The following PACRG variants were observed in gnomAD, a reference collection of about 807,000 sequenced individuals.
PACRG encodes parkin coregulated, also known as parkin coregulated gene protein.
In PACRG, 29 loss-of-function variants were observed where a neutral mutation model predicts 29.7. The observed-to-expected ratio is 0.98, with a 90% CI of 0.73 to 1.33. The LOEUF is 1.33. Among genes scored for constraint, PACRG ranks in the 40% most tolerant of loss-of-function variants. The pLI is 0.00. For synonymous variants in PACRG, 116 were observed against 118.7 expected (o/e 0.98, Z 0.15); for missense variants, 279 against 316.2 (o/e 0.88, Z 0.89).
chr6:162,950,235 C>T (rs9456822), intron 2 of PACRG, among the ~76,000 whole-genome samples: 2,110 of 152,198 alleles, frequency 0.014, 53 homozygotes, highest in African/African-American at 0.049. Flanking sequence ...CGGTGGCTCA[C>T]GCCTATAATC....
intron 4 of PACRG, among the ~76,000 whole-genome samples, chr6:163,261,826 G>A (rs1336721028): frequency 6.6e-6 from 1 of 152,132 alleles, no homozygotes; most frequent in Non-Finnish European, 1.5e-5. Context: ...ATGATTTAAA[G>A]GATACCAAAG....
intron 2 of PACRG, among the ~76,000 whole-genome samples, chr6:162,833,963 G>A (rs1050061083): frequency 6.6e-6 from 1 of 152,024 alleles, no homozygotes; most frequent in Non-Finnish European, 1.5e-5. Context: ...TTTTCCAAAC[G>A]TTTTTTCATC....
At chr6:162,980,881 ATTAC>A (rs1287001512) in intron 2 of PACRG, among the ~76,000 whole-genome samples, 3 of 152,062 alleles carry the variant, frequency 2.0e-5, no homozygotes, top group African/African-American at 7.2e-5. Context: ...AATGGGAGCC[ATTAC>A]TTTCTTTTTT....
At chr6:163,175,056 T>G (rs1336492165) in intron 4 of PACRG, among the ~76,000 whole-genome samples, 1 of 152,202 alleles carries the variant, frequency 6.6e-6, no homozygotes, top group Non-Finnish European at 1.5e-5. Flanking sequence ...GATTACAAAC[T>G]TTCTTAATCT....
At chr6:162,820,140 T>G (rs1300897156) in intron 2 of PACRG, among the ~76,000 whole-genome samples, 1 of 152,220 alleles carries the variant, frequency 6.6e-6, no homozygotes, top group Non-Finnish European at 1.5e-5. Flanking sequence ...TGAAAATATA[T>G]GTTGCACTTG....
chr6:162,787,863 G>A (rs1410104278), intron 1 of PACRG, among the ~76,000 whole-genome samples: 1 of 151,118 alleles, frequency 6.6e-6, no homozygotes, highest in Non-Finnish European at 1.5e-5. Flanking sequence ...TCCAATGCCA[G>A]TGTTGGACTA....
At chr6:162,744,250 T>C (rs1469266339) in intron 1 of PACRG, among the ~76,000 whole-genome samples, 1 of 152,208 alleles carries the variant, frequency 6.6e-6, no homozygotes, top group East Asian at 1.9e-4. Flanking sequence ...TTCTGGATCA[T>C]TAAATGCAGA....
At chr6:162,789,829 A>G (rs1047787644) in intron 1 of PACRG, among the ~76,000 whole-genome samples, 1 of 152,242 alleles carries the variant, frequency 6.6e-6, no homozygotes, top group Non-Finnish European at 1.5e-5. Flanking sequence ...TGGAGAGAGT[A>G]TAAGTTCATT....
chr6:162,986,921 T>A (rs879282030), intron 2 of PACRG, among the ~76,000 whole-genome samples: 7 of 151,006 alleles, frequency 4.6e-5, no homozygotes, highest in Non-Finnish European at 8.8e-5. Flanking sequence ...TTCATTCTTA[T>A]CCTGTATTTT....
chr6:162,958,269 GA>G (rs1312631068), intron 2 of PACRG, among the ~76,000 whole-genome samples: 2 of 151,880 alleles, frequency 1.3e-5, no homozygotes, highest in African/African-American at 4.8e-5. Flanking sequence ...GAAAAATAAT[GA>G]ATTTCAAATA....
At chr6:163,102,540 C>A (rs1815154812) in intron 4 of PACRG, among the ~76,000 whole-genome samples, 1 of 152,210 alleles carries the variant, frequency 6.6e-6, no homozygotes, top group Admixed American at 6.5e-5. Context: ...TCCATCAGGT[C>A]TCTCCTGAAA....
intron 2 of PACRG, among the ~76,000 whole-genome samples, chr6:163,008,134 A>G (rs1805289428): frequency 6.6e-6 from 1 of 152,112 alleles, no homozygotes; most frequent in South Asian, 2.1e-4. Context: ...ATGTTATTTT[A>G]TCCTTTTAGA....
chr6:163,265,742 C>T (rs2128177194), intron 4 of PACRG, among the ~76,000 whole-genome samples: 1 of 152,284 alleles, frequency 6.6e-6, no homozygotes, highest in East Asian at 1.9e-4. Context: ...CTTAAAGCCA[C>T]AGTTAATTTC....
chr6:163,032,104 G>A (rs1214818634), intron 2 of PACRG, among the ~76,000 whole-genome samples: 1 of 152,190 alleles, frequency 6.6e-6, no homozygotes, highest in African/African-American at 2.4e-5. Flanking sequence ...GGAGAAATCA[G>A]ATAGAGAGAA....
chr6:163,077,225 T>G (rs1812627136), intron 3 of PACRG, among the ~76,000 whole-genome samples: 1 of 152,208 alleles, frequency 6.6e-6, no homozygotes, highest in Non-Finnish European at 1.5e-5. Context: ...TTCATCTACA[T>G]TCTCTCACGT....
intron 2 of PACRG, among the ~76,000 whole-genome samples, chr6:163,036,938 C>A (rs927834356): frequency 6.6e-6 from 1 of 152,106 alleles, no homozygotes; most frequent in African/African-American, 2.4e-5. Flanking sequence ...CTGTGACAGA[C>A]CCTGAGCCAT....
chr6:163,270,893 G>C (rs903863680), intron 4 of PACRG, among the ~76,000 whole-genome samples: 4 of 152,076 alleles, frequency 2.6e-5, no homozygotes, highest in African/African-American at 7.2e-5. Context: ...TATTAATCAG[G>C]GTTCTCTAGA....
intron 4 of PACRG, among the ~76,000 whole-genome samples, chr6:163,112,988 C>T (rs558898471): frequency 6.6e-6 from 1 of 152,082 alleles, no homozygotes; most frequent in South Asian, 2.1e-4. Context: ...ACTAAAAGAA[C>T]ATGGGGAGGA....
chr6:162,833,987 A>G (rs1789002124), intron 2 of PACRG, among the ~76,000 whole-genome samples: 1 of 151,776 alleles, frequency 6.6e-6, no homozygotes, highest in Non-Finnish European at 1.5e-5. Flanking sequence ...CAAGACTGAA[A>G]CTCTATGCCC....
Sources: gnomAD v4.1 joint callset for allele counts (sites outside exome capture counted in the v4.1 genomes callset) on GRCh38, gnomAD v4.1.1 for gene constraint, MANE v1.5 for transcripts, NCBI Gene and HGNC (gene_info 2026-07-23, HGNC 2026-07-21) for gene names.